SLC2A9: variants seen among roughly 807,000 people sequenced by gnomAD.
The protein encoded by SLC2A9 is solute carrier family 2 member 9.
A neutral mutation model predicts 50.6 loss-of-function variants in SLC2A9; 39 were observed. That is an observed-to-expected ratio of 0.77 (90% CI 0.60 to 1.01). The LOEUF is 1.01. Among genes scored for constraint, SLC2A9 ranks in the 50% least tolerant of loss-of-function variants. The pLI is 0.00. For synonymous variants in SLC2A9, 324 were observed against 276.9 expected (o/e 1.17, Z -1.69); for missense variants, 686 against 677.6 (o/e 1.01, Z -0.14).
chr4:9,911,273 C>A (rs566993465), intron 7 of SLC2A9, among the ~76,000 whole-genome samples: 161 of 152,200 alleles, frequency 1.1e-3, no homozygotes, highest in Non-Finnish European at 2.1e-3. Flanking sequence ...GCCGGGCTGG[C>A]CCTGTCTGCC....
intron 6 of SLC2A9, among the ~76,000 whole-genome samples, chr4:9,928,482 A>C (rs1310935985): frequency 1.3e-5 from 2 of 152,276 alleles, no homozygotes; most frequent in Non-Finnish European, 2.9e-5. Context: ...CTGTAATCCC[A>C]GCACTTTGGG....
chr4:10,027,574 C>A (rs1763796757), intron 1 of SLC2A9, among the ~76,000 whole-genome samples: 1 of 152,158 alleles, frequency 6.6e-6, no homozygotes, highest in African/African-American at 2.4e-5. Context: ...GTGAGGTTGA[C>A]CTCTCCTCTT....
rs565759207 is a variant in SLC2A9, at chr4:9,858,391, C to T, written c.1292-23383G>A. Among the ~76,000 whole-genome samples, 5 of 152,286 alleles carry T rather than the reference C, an allele frequency of 3.3e-5. No individual in the cohort carries two copies. The South Asian group carries it at 1.0e-3, about 32-fold the overall frequency. ...TAATGGACTGATGTTTCCATGCATG[C>T]ACTTTATCAAGGCTGCTATGGTGGA... is the stretch of plus-strand genomic sequence containing the variant. On this transcript the variant is annotated intron_variant, in intron 10 of 11. Coordinates refer to ENST00000264784, the MANE Select transcript of SLC2A9 (RefSeq NM_020041.3).
Position 10,005,564 on chromosome 4 carries a change from C to T in SLC2A9, c.250-8623G>A, listed in dbSNP as rs566944748. ...AGAGGATGCTAGGCCTGTTAGGAAGCTCCTGCAATTGGTATGAGATGATGA... is the reference window on the plus strand; with the variant it reads ...AGAGGATGCTAGGCCTGTTAGGAAGTTCCTGCAATTGGTATGAGATGATGA... On this transcript the variant is annotated intron_variant, in intron 2 of 11. Transcript: ENST00000264784. Among the ~76,000 whole-genome samples, 3 of 152,346 alleles carry T rather than the reference C, an allele frequency of 2.0e-5. No individual in the cohort carries two copies. In the South Asian group the frequency reaches 6.2e-4, roughly 32 times the overall value.
At chr4:9,877,143 C>T (rs1003380805) in intron 10 of SLC2A9, among the ~76,000 whole-genome samples, 1 of 152,220 alleles carries the variant, frequency 6.6e-6, no homozygotes, top group Non-Finnish European at 1.5e-5. Flanking sequence ...TGATTCGACT[C>T]CCCCTAAAGT....
chr4:9,820,483 T>C (rs956876362), intron 3 of SLC2A9, among the ~76,000 whole-genome samples: 2 of 152,222 alleles, frequency 1.3e-5, no homozygotes, highest in African/African-American at 4.8e-5. Flanking sequence ...AAAATTTCTT[T>C]TGGGATTTTG....
chr4:9,933,780 G>A (rs1746567365), intron 6 of SLC2A9, among the ~76,000 whole-genome samples: 1 of 152,194 alleles, frequency 6.6e-6, no homozygotes, highest in South Asian at 2.1e-4. Flanking sequence ...TCCTTCTGGA[G>A]GCTCTAGGGA....
chr4:9,980,983 T>C (rs934041812), intron 4 of SLC2A9, among the ~76,000 whole-genome samples: 1 of 152,126 alleles, frequency 6.6e-6, no homozygotes, highest in African/African-American at 2.4e-5. Flanking sequence ...GTGGAGGTGA[T>C]GGTATTGATG....
At chr4:9,979,508 G>T (rs1467526402) in intron 5 of SLC2A9, among the ~76,000 whole-genome samples, 1 of 152,016 alleles carries the variant, frequency 6.6e-6, no homozygotes, top group Non-Finnish European at 1.5e-5. Flanking sequence ...CTGCATCCCT[G>T]GGAGGCATCC....
chr4:9,968,171 T>G (rs1292659607), intron 5 of SLC2A9, among the ~76,000 whole-genome samples: 2 of 152,186 alleles, frequency 1.3e-5, no homozygotes, highest in East Asian at 3.8e-4. Flanking sequence ...TCCATTTAAT[T>G]TAACTAGTTT....
At chr4:10,001,919 G>A (rs906524374) in intron 2 of SLC2A9, among the ~76,000 whole-genome samples, 20 of 152,298 alleles carry the variant, frequency 1.3e-4, no homozygotes, top group East Asian at 1.9e-4. Context: ...CCAGACACCC[G>A]CTCTCCCAGC....
At chr4:9,838,065 C>T (rs750550220) in intron 10 of SLC2A9, among the ~76,000 whole-genome samples, 1 of 152,148 alleles carries the variant, frequency 6.6e-6, no homozygotes, top group Non-Finnish European at 1.5e-5. Flanking sequence ...AAGTCTTGTA[C>T]ATGAAGGGCA....
intron 3 of SLC2A9, chr4:9,781,729 C>A: frequency 3.0e-6 from 1 of 333,728 alleles, no homozygotes. Flanking sequence ...GCTGCCGCTG[C>A]CGTCCGGCGC....
intron 10 of SLC2A9, among the ~76,000 whole-genome samples, chr4:9,882,936 A>G (rs565342522): frequency 1.1e-4 from 16 of 152,320 alleles, no homozygotes; most frequent in African/African-American, 3.6e-4. Flanking sequence ...TACCTGGTCT[A>G]CTTAGATGGT....
chr4:9,925,748 G>C (rs1322381398), intron 6 of SLC2A9, among the ~76,000 whole-genome samples: 1 of 152,180 alleles, frequency 6.6e-6, no homozygotes, highest in Non-Finnish European at 1.5e-5. Context: ...TCAAGACTCA[G>C]GTGACAGGGA....
intron 7 of SLC2A9, among the ~76,000 whole-genome samples, chr4:9,910,048 T>C (rs914771711): frequency 6.6e-6 from 1 of 152,242 alleles, no homozygotes; most frequent in African/African-American, 2.4e-5. Context: ...TACAGATGGT[T>C]AAATTTTGTG....
chr4:9,879,849 C>T, intron 10 of SLC2A9: 1 of 985,422 alleles, frequency 1.0e-6, no homozygotes, highest in Non-Finnish European at 1.2e-6. Flanking sequence ...TATTAGACTT[C>T]CCTGCCACTG....
chr4:10,021,384 G>A lies in SLC2A9; in HGVS notation c.46C>T (p.Pro16Ser), dbSNP rs777241228. ...NRNSKELGLV[P>S]LTDDTSHAGP... The stretch of plus-strand genomic sequence containing the variant: ...GCGTGGCTGGTGTCATCTGTGAGGG[G>A]AACTAGGCCCAGTTCCTTGGAATTC... The change falls in exon 1 of 12, where the codon CCC becomes TCC. Residue 16 changes from proline to serine, a missense_variant. Coordinates refer to ENST00000264784, the MANE Select transcript of SLC2A9 (RefSeq NM_020041.3). The A allele has an allele frequency of 1.9e-6, 3 of 1,614,122 alleles. No homozygotes were observed. The South Asian group carries it at 3.3e-5, about 18-fold the overall frequency.
At chr4:10,012,643 C>T (rs1026459906) in intron 2 of SLC2A9, among the ~76,000 whole-genome samples, 31 of 152,024 alleles carry the variant, frequency 2.0e-4, no homozygotes, top group Non-Finnish European at 4.1e-4. Flanking sequence ...GAGGAGGGGA[C>T]GTCTGAGCAG....
Sources: gnomAD v4.1 joint callset for allele counts (sites outside exome capture counted in the v4.1 genomes callset) on GRCh38, gnomAD v4.1.1 for gene constraint, MANE v1.5 for transcripts, NCBI Gene and HGNC (gene_info 2026-07-23, HGNC 2026-07-21) for gene names.